Variants in GJC3 observed in about 807,000 individuals in gnomAD.
GJC3 encodes the protein gap junction gamma-3 protein.
In GJC3, 17 loss-of-function variants were observed where a neutral mutation model predicts 19.8. The observed-to-expected ratio is 0.86, with a 90% CI of 0.59 to 1.29. The LOEUF (loss-of-function observed/expected upper bound fraction) is 1.29, where lower values mean the gene tolerates loss of function less well. GJC3 is among the 50% of genes most tolerant of loss of function. GJC3 has a pLI of 0.00. For synonymous variants in GJC3, 140 were observed against 136.5 expected (o/e 1.03, Z -0.18); for missense variants, 317 against 332.5 (o/e 0.95, Z 0.36).
At chr7:99,927,307 T>C (rs1323323560) in intron 1 of GJC3, among the ~76,000 whole-genome samples, 2 of 152,228 alleles carry the variant, frequency 1.3e-5, no homozygotes, top group Non-Finnish European at 2.9e-5. Flanking sequence ...TGCCTCACTT[T>C]AAGTGGATAA....
intron 1 of GJC3, among the ~76,000 whole-genome samples, chr7:99,926,910 G>T (rs113352444): frequency 0.068 from 10,278 of 152,252 alleles, 382 homozygotes; most frequent in African/African-American, 0.075. Context: ...AAGAACGAAA[G>T]CAGGGATTTA....
chr7:99,926,167 C>T (rs1819794418), intron 1 of GJC3, among the ~76,000 whole-genome samples: 1 of 151,858 alleles, frequency 6.6e-6, no homozygotes, highest in Non-Finnish European at 1.5e-5. Context: ...AACCCTGTCT[C>T]TACAAAAAAT....
chr7:99,925,448 A>T (rs1819774747), intron 1 of GJC3, among the ~76,000 whole-genome samples: 1 of 152,218 alleles, frequency 6.6e-6, no homozygotes, highest in Admixed American at 6.5e-5. Context: ...TCTTATGGAA[A>T]CATAGGCATT....
In GJC3 at chr7:99,923,278, G is replaced by A. The variant is rs1661685193; in HGVS notation, c.*267C>T. ...GACCACAACCAAGGAGGATTTCCCAGGGGGATTTTATTACTTGCGATAAGT... is the reference window on the plus strand; with the variant it reads ...GACCACAACCAAGGAGGATTTCCCAAGGGGATTTTATTACTTGCGATAAGT... On this transcript the variant is annotated 3_prime_UTR_variant, in exon 2 of 2. Coordinates refer to ENST00000312891, the MANE Select transcript of GJC3 (RefSeq NM_181538.3). The A allele has an allele frequency of 2.0e-6, 1 of 507,592 alleles. No homozygotes were observed. Among genetic ancestry groups the A allele is most frequent in the Non-Finnish European group, 3.6e-6 (1 of 279,484 alleles). 31.4% of individuals were successfully genotyped at this position (507,592 alleles called of 1,614,324 possible).
In GJC3 at chr7:99,929,502, C is replaced by G; in HGVS notation, c.119G>C (p.Gly40Ala). The G allele has an allele frequency of 2.5e-6, 4 of 1,614,144 alleles. No homozygotes were observed. Among genetic ancestry groups the G allele is most frequent in the Non-Finnish European group, 3.4e-6 (4 of 1,180,034 alleles). Reference sequence around the variant, plus strand: ...CTGCTCATCACCATAGACTCCAGGCCCACTGGCAGCCAGCAGCACAAGGCG... The same window carrying G: ...CTGCTCATCACCATAGACTCCAGGCGCACTGGCAGCCAGCAGCACAAGGCG... ...GFRLVLLAAS[G>A]PGVYGDEQSE... Residue 40 changes from glycine to alanine, a missense_variant, in exon 1 of 2, where the codon GGG becomes GCG. Transcript: ENST00000312891.
At chr7:99,928,122 A>T (rs1197217152) in intron 1 of GJC3, among the ~76,000 whole-genome samples, 4 of 152,236 alleles carry the variant, frequency 2.6e-5, no homozygotes, top group Non-Finnish European at 4.4e-5. Flanking sequence ...CAAAACTTTG[A>T]TGATAAGGGG....
At chr7:99,923,649 C>T in intron 1 of GJC3, 46 bp from the exon 2 acceptor site, 1 of 776,982 alleles carries the variant, frequency 1.3e-6, no homozygotes, top group Middle Eastern at 2.3e-4. Flanking sequence ...AAGTGTGTAA[C>T]TTTTTCACAG....
intron 1 of GJC3, among the ~76,000 whole-genome samples, chr7:99,926,364 T>A (rs1333069388): frequency 2.0e-5 from 3 of 150,622 alleles, no homozygotes; most frequent in Admixed American, 6.6e-5. Context: ...TACACATATG[T>A]TCATAGCAAC....
rs111990958 is a variant in GJC3, at chr7:99,929,074, A to G, written c.547T>C (p.Ser183Pro). Residue 183 changes from serine (S) to proline (P), a missense_variant, in exon 1 of 2, where the codon TCC becomes CCC. Ser to Pro is a moderately conservative substitution (Grantham distance 74). Coordinates refer to ENST00000312891, the MANE Select transcript of GJC3 (RefSeq NM_181538.3). ...AAAATGGTCTTCTCAGAGGGGCGGG[A>G]CAGATTGCAGGTTATACTACCAAGG... ...PCLGSITCNLSRPSEKTIFLK... is the reference protein window; with the variant it reads ...PCLGSITCNLPRPSEKTIFLK... 9.3e-6 allele frequency: 15 copies of G among 1,614,076 alleles called. No individual in the cohort carries two copies. The African/African-American group carries it at 1.2e-4, about 13-fold the overall frequency.
At chr7:99,928,436 C>T (rs963047286) in intron 1 of GJC3, among the ~76,000 whole-genome samples, 4 of 152,254 alleles carry the variant, frequency 2.6e-5, no homozygotes, top group Admixed American at 6.5e-5. Context: ...TGAATCCCCA[C>T]TCACTGGATG....
chr7:99,929,523 A>G lies in GJC3; in HGVS notation c.98T>C (p.Leu33Pro), dbSNP rs1230461258. Residue 33 changes from leucine (L) to proline (P), a missense_variant, in exon 1 of 2, where the codon CTT (leucine) becomes CCT (proline). Physicochemically the swap from Leu to Pro is moderately conservative, Grantham distance 98. Coordinates refer to ENST00000312891, the MANE Select transcript of GJC3 (RefSeq NM_181538.3). ...AGGCCCACTGGCAGCCAGCAGCACAAGGCGGAATCCCAGGAGCACGGGAAG... is the reference window on the plus strand; with the variant it reads ...AGGCCCACTGGCAGCCAGCAGCACAGGGCGGAATCCCAGGAGCACGGGAAG... The part of the protein sequence containing the change: ...LLLPVLLGFR[L>P]VLLAASGPGV... 2 of 1,614,118 alleles carry G rather than the reference A, an allele frequency of 1.2e-6. No individual in the cohort carries two copies. The highest frequency in any genetic ancestry group is 3.3e-5 in the Admixed American group (2 of 60,030).
At chr7:99,923,955 C>T (rs574970808) in intron 1 of GJC3, among the ~76,000 whole-genome samples, 1 of 152,260 alleles carries the variant, frequency 6.6e-6, no homozygotes, top group Non-Finnish European at 1.5e-5. Flanking sequence ...TCTCAACTCA[C>T]GTTGGGAAAA....
chr7:99,928,840 C>G lies in GJC3; in HGVS notation c.781G>C (p.Val261Leu). ...VETKEQFQEA[V>L]PGRSLAQEKQ... ...CAGGAAGAGAGCGTGTCCTTCTCACCTGCTTCTTGAAATTGCTCTTTGGTT... is the reference window on the plus strand; with the variant it reads ...CAGGAAGAGAGCGTGTCCTTCTCACGTGCTTCTTGAAATTGCTCTTTGGTT... The change falls in exon 1 of 2, where the codon GTT becomes CTT. Residue 261 changes from valine to leucine, a missense_variant and splice_region_variant. Coordinates refer to ENST00000312891, the MANE Select transcript of GJC3 (RefSeq NM_181538.3). 6.2e-7 allele frequency: 1 copy of G among 1,613,906 alleles called. No homozygotes were observed. Among genetic ancestry groups the G allele is most frequent in the Non-Finnish European group, 8.5e-7 (1 of 1,179,866 alleles).
At chr7:99,927,927 G>A (rs967286567) in intron 1 of GJC3, among the ~76,000 whole-genome samples, 1 of 152,240 alleles carries the variant, frequency 6.6e-6, no homozygotes, top group Non-Finnish European at 1.5e-5. Flanking sequence ...TGAGAATTGA[G>A]CAGAAATCAG....
upstream of GJC3, among the ~76,000 whole-genome samples, chr7:99,930,500 C>A (rs570277588): frequency 1.3e-5 from 2 of 152,292 alleles, no homozygotes; most frequent in African/African-American, 4.8e-5. Context: ...TGTTCCCCAG[C>A]CAAAATACCA....
In GJC3 at chr7:99,928,941, G is replaced by A. The variant is rs1272604556; in HGVS notation, c.680C>T (p.Ser227Phe). 1 of 1,614,140 alleles carries A rather than the reference G, an allele frequency of 6.2e-7. No individual in the cohort carries two copies. Among genetic ancestry groups the A allele is most frequent in the Non-Finnish European group, 8.5e-7 (1 of 1,180,030 alleles). The change falls in exon 1 of 2, where the codon TCC becomes TTC. Residue 227 changes from serine to phenylalanine, a missense_variant. Physicochemically the swap from Ser to Phe is radical, Grantham distance 155. Coordinates refer to ENST00000312891, the MANE Select transcript of GJC3 (RefSeq NM_181538.3). ...TGAAGTTAGGAAGTATTTAGAAGAG[G>A]AAGATTTGTGCTTCCAGGTCCTCCA... ...RWWRTWKHKS[S>F]SSKYFLTSES... is the part of the protein sequence containing the mutation.
chr7:99,926,877 G>A (rs949543335), intron 1 of GJC3, among the ~76,000 whole-genome samples: 5 of 152,306 alleles, frequency 3.3e-5, no homozygotes, highest in East Asian at 1.9e-4. Context: ...TCCTAGCAAA[G>A]CAAAGAAAGG....
chr7:99,926,748 G>T (rs1416443732), intron 1 of GJC3, among the ~76,000 whole-genome samples: 1 of 152,066 alleles, frequency 6.6e-6, no homozygotes, highest in Non-Finnish European at 1.5e-5. Flanking sequence ...TAGTGTTGAT[G>T]GATATACAAC....
At chr7:99,926,179 C>G (rs1351860238) in intron 1 of GJC3, among the ~76,000 whole-genome samples, 1 of 151,998 alleles carries the variant, frequency 6.6e-6, no homozygotes, top group African/African-American at 2.4e-5. Flanking sequence ...ACAAAAAATA[C>G]AAAAATTAGC....
Sources: allele counts gnomAD v4.1 joint callset (sites outside exome capture counted in the v4.1 genomes callset), GRCh38; gene constraint gnomAD v4.1.1; transcripts MANE v1.5; gene names NCBI Gene and HGNC (gene_info 2026-07-23, HGNC 2026-07-21).